The following HDAC9 variants were observed in gnomAD, a reference collection of about 807,000 sequenced individuals.
HDAC9 encodes MEF-2 interacting transcription repressor (MITR) protein.
In HDAC9, 41 loss-of-function variants were observed where a neutral mutation model predicts 139.4. The ratio of observed to expected loss-of-function variants is 0.29; its 90% CI spans 0.23 to 0.38. HDAC9 has a LOEUF of 0.38. HDAC9 is among the 10% of genes least tolerant of loss of function. The probability of loss-of-function intolerance (pLI) is 1.00; values close to 1 mark genes in which losing one functional copy is unlikely to be tolerated. For synonymous variants in HDAC9, 517 were observed against 476.2 expected (o/e 1.09, Z -1.12); for missense variants, 1,147 against 1,297.0 (o/e 0.88, Z 1.78).
intron 22 of HDAC9, among the ~76,000 whole-genome samples, chr7:18,926,965 C>A (rs974323696): frequency 1.3e-5 from 2 of 152,026 alleles, no homozygotes; most frequent in South Asian, 4.1e-4. Flanking sequence ...TGGTAATAAT[C>A]TCCATATTTC....
intron 2 of HDAC9, among the ~76,000 whole-genome samples, chr7:18,261,857 C>T (rs1795701341): frequency 6.6e-6 from 1 of 152,154 alleles, no homozygotes; most frequent in Non-Finnish European, 1.5e-5. Context: ...GCTACTTGTC[C>T]TAAACATAAA....
chr7:18,903,987 T>C (rs1216965479), intron 22 of HDAC9, among the ~76,000 whole-genome samples: 1 of 152,178 alleles, frequency 6.6e-6, no homozygotes, highest in Admixed American at 6.5e-5. Flanking sequence ...TAATGCTGGC[T>C]ACGATTGGGA....
At chr7:18,990,656 G>C (rs12539229) in intron 25 of HDAC9, among the ~76,000 whole-genome samples, 1 of 152,214 alleles carries the variant, frequency 6.6e-6, no homozygotes, top group Non-Finnish European at 1.5e-5. Flanking sequence ...CCTGGCTGCC[G>C]CCTTGCAGTT....
intron 13 of HDAC9, among the ~76,000 whole-genome samples, chr7:18,733,392 A>G (rs1359809690): frequency 1.3e-5 from 2 of 150,404 alleles, no homozygotes; most frequent in Non-Finnish European, 3.0e-5. Context: ...TTCTGTTATT[A>G]CTCATATTAG....
At chr7:18,935,741 A>T (rs552363847) in intron 22 of HDAC9, 68 bp from the exon 23 acceptor site, 2 of 1,412,642 alleles carry the variant, frequency 1.4e-6, no homozygotes, top group South Asian at 2.4e-5. Context: ...TACATGCTCA[A>T]TGTTAGATTC....
At chr7:18,325,575 C>T (rs1800375910) in intron 1 of HDAC9, 1 of 152,026 alleles carries the variant, frequency 6.6e-6, no homozygotes, top group African/African-American at 2.4e-5. Context: ...GGTCCTCCTA[C>T]CTCAGCCTCC....
intron 2 of HDAC9, among the ~76,000 whole-genome samples, chr7:18,239,090 C>T (rs1001336555): frequency 1.1e-4 from 16 of 152,006 alleles, no homozygotes; most frequent in Non-Finnish European, 2.2e-4. Context: ...TCTAGTTTGT[C>T]ACTATACTTC....
intron 2 of HDAC9, among the ~76,000 whole-genome samples, chr7:18,545,842 A>G (rs1197296354): frequency 2.6e-5 from 4 of 152,214 alleles, no homozygotes; most frequent in Non-Finnish European, 5.9e-5. Flanking sequence ...ATGCACTACA[A>G]CATCCCTAAA....
chr7:18,169,405 A>G (rs1788246353), intron 2 of HDAC9, among the ~76,000 whole-genome samples: 1 of 151,532 alleles, frequency 6.6e-6, no homozygotes, highest in Non-Finnish European at 1.5e-5. Context: ...AGGCATCGTT[A>G]TGGTTTTAAT....
intron 16 of HDAC9, among the ~76,000 whole-genome samples, chr7:18,767,526 A>G (rs888182004): frequency 1.3e-5 from 2 of 152,230 alleles, no homozygotes; most frequent in African/African-American, 4.8e-5. Flanking sequence ...TCCATTTTCA[A>G]TAGAATCACA....
At chr7:18,392,346 CA>C (rs1786597260) in intron 1 of HDAC9, among the ~76,000 whole-genome samples, 1 of 150,322 alleles carries the variant, frequency 6.7e-6, no homozygotes, top group African/African-American at 2.5e-5. Flanking sequence ...CACACACACA[CA>C]CACACTGTCT....
At chr7:18,986,646 G>A (rs1422625058) in intron 25 of HDAC9, among the ~76,000 whole-genome samples, 3 of 151,610 alleles carry the variant, frequency 2.0e-5, no homozygotes, top group Non-Finnish European at 2.9e-5. Flanking sequence ...CATTGAATCT[G>A]TAAATTACCT....
intron 1 of HDAC9, among the ~76,000 whole-genome samples, chr7:18,390,095 C>CACACACACAT (rs1554401598): frequency 2.7e-5 from 4 of 148,056 alleles, no homozygotes; most frequent in Admixed American, 6.7e-5. Flanking sequence ...CACACACACA[C>CACACACACAT]GTCGTAGAGA....
intron 1 of HDAC9, among the ~76,000 whole-genome samples, chr7:18,458,008 C>T (rs1019853108): frequency 6.6e-6 from 1 of 152,122 alleles, no homozygotes; most frequent in African/African-American, 2.4e-5. Flanking sequence ...CCATACACGC[C>T]TCAGATGGGG....
At chr7:18,371,491 A>G (rs545179379) in intron 1 of HDAC9, among the ~76,000 whole-genome samples, 2 of 152,134 alleles carry the variant, frequency 1.3e-5, no homozygotes, top group East Asian at 1.9e-4. Flanking sequence ...CTAGTATAAG[A>G]TAGTCTATTT....
chr7:18,407,022 T>A (rs1378418096), intron 1 of HDAC9, among the ~76,000 whole-genome samples: 2 of 152,170 alleles, frequency 1.3e-5, no homozygotes, highest in African/African-American at 4.8e-5. Context: ...TATAAGCAAT[T>A]AAAGGTGTAT....
chr7:18,243,626 G>T (rs1396574559), intron 2 of HDAC9, among the ~76,000 whole-genome samples: 1 of 152,200 alleles, frequency 6.6e-6, no homozygotes, highest in African/African-American at 2.4e-5. Flanking sequence ...GTAAGATTGG[G>T]GAAGAAAACG....
At chr7:18,246,891 AG>A (rs1794579466) in intron 2 of HDAC9, among the ~76,000 whole-genome samples, 1 of 152,104 alleles carries the variant, frequency 6.6e-6, no homozygotes, top group Non-Finnish European at 1.5e-5. Flanking sequence ...GAGTGCTAGA[AG>A]GAATTGAATT....
intron 13 of HDAC9, among the ~76,000 whole-genome samples, chr7:18,731,643 G>A (rs887835657): frequency 6.6e-6 from 1 of 151,982 alleles, no homozygotes; most frequent in African/African-American, 2.4e-5. Context: ...AATTTTTTTT[G>A]AGACGGAGTT....
Sources: gnomAD v4.1 joint callset for allele counts (sites outside exome capture counted in the v4.1 genomes callset) on GRCh38, gnomAD v4.1.1 for gene constraint, MANE v1.5 for transcripts, NCBI Gene and HGNC (gene_info 2026-07-23, HGNC 2026-07-21) for gene names.